The following PCDHGA2 variants were observed in gnomAD, a reference collection of about 807,000 sequenced individuals.
PCDHGA2 encodes the protein protocadherin gamma-A2.
A neutral mutation model predicts 59.2 loss-of-function variants in PCDHGA2; 40 were observed. The ratio of observed to expected loss-of-function variants is 0.68; its 90% CI spans 0.52 to 0.88. The LOEUF is 0.88. Among genes scored for constraint, PCDHGA2 ranks in the 40% least tolerant of loss-of-function variants. PCDHGA2 has a pLI of 0.00. For synonymous variants in PCDHGA2, 560 were observed against 526.0 expected (o/e 1.06, Z -0.89); for missense variants, 1,226 against 1,204.0 (o/e 1.02, Z -0.27).
At chr5:141,375,211 T>A in intron 1 of PCDHGA2, 1 of 1,614,010 alleles carries the variant, frequency 6.2e-7, no homozygotes, top group South Asian at 1.1e-5. Context: ...ATCGAGACTC[T>A]GGCCTGAATG....
At position 141,338,855 on chromosome 5, in the gene PCDHGA2, C is replaced by A; in HGVS notation, c.-117C>A. 3 of 1,425,134 alleles carry A rather than the reference C, an allele frequency of 2.1e-6. No homozygotes were observed. Among genetic ancestry groups the A allele is most frequent in the Non-Finnish European group, 2.7e-6 (3 of 1,091,584 alleles). 88.3% of individuals were successfully genotyped at this position (1,425,134 alleles called of 1,614,324 possible). On this transcript the variant is annotated 5_prime_UTR_variant, in exon 1 of 4. Transcript: ENST00000394576. ...AATTCAGTCGAACAGCCCACCAGTT[C>A]TCTCCATAGGGACCTGGGTCCCGTG...
Position 141,431,435 on chromosome 5 carries a change from G to T in PCDHGA2, c.2425-63372G>T. On this transcript the variant is annotated intron_variant, in intron 1 of 3. Coordinates refer to ENST00000394576, the MANE Select transcript of PCDHGA2 (RefSeq NM_018915.4). This position sits in a 1 kb window ranked among gnomAD's most constrained non-coding sequence, Gnocchi z 4.8. The stretch of plus-strand genomic sequence containing the variant: ...GGGCGACCCGGTGCGCACAGGCACC[G>T]CGCGCATCCGCGTGATGGTTCTGGA... The T allele has an allele frequency of 6.2e-7, 1 of 1,613,668 alleles. No individual in the cohort carries two copies. Among genetic ancestry groups the T allele is most frequent in the Non-Finnish European group, 8.5e-7 (1 of 1,180,026 alleles).
In PCDHGA2 at chr5:141,432,220, C is replaced by A. The variant is rs949257429; in HGVS notation, c.2425-62587C>A. ...CCGACTGTGAAGAGAACGCCCAGAT[C>A]ACTTATTCCCTGGCTGAGAACACCA... On this transcript the variant is annotated intron_variant, in intron 1 of 3. Coordinates refer to ENST00000394576, the MANE Select transcript of PCDHGA2 (RefSeq NM_018915.4). This position sits in a 1 kb window ranked among gnomAD's most constrained non-coding sequence, Gnocchi z 6.0. The A allele has an allele frequency of 2.5e-6, 4 of 1,614,246 alleles. No homozygotes were observed. The highest frequency in any genetic ancestry group is 1.6e-4 in the Middle Eastern group (1 of 6,062).
At chr5:141,421,305 G>A in intron 1 of PCDHGA2, 23 of 1,613,652 alleles carry the variant, frequency 1.4e-5, no homozygotes, top group Non-Finnish European at 1.9e-5. Context: ...CGCTGCGGGG[G>A]TTCCGGGCCA....
chr5:141,401,830 T>C (rs950842785), intron 1 of PCDHGA2, among the ~76,000 whole-genome samples: 4 of 152,216 alleles, frequency 2.6e-5, no homozygotes, highest in Admixed American at 1.3e-4. Context: ...TGCTGAGATT[T>C]CTTATAATAC....
chr5:141,457,417 CTTTT>C (rs894846890), intron 1 of PCDHGA2, among the ~76,000 whole-genome samples: 4 of 152,180 alleles, frequency 2.6e-5, no homozygotes, highest in Admixed American at 2.6e-4. Context: ...TTACCCATCC[CTTTT>C]TCCCCCCCAC....
intron 1 of PCDHGA2, chr5:141,413,350 G>C: frequency 6.2e-7 from 1 of 1,613,974 alleles, no homozygotes; most frequent in South Asian, 1.1e-5. Context: ...CTTGGGTCTG[G>C]CGCCCCGGGA....
At chr5:141,374,443 A>C (rs886695991) in intron 1 of PCDHGA2, 1 of 1,613,842 alleles carries the variant, frequency 6.2e-7, no homozygotes. Context: ...ATCCCGTGGA[A>C]GTGGAAATAG....
intron 1 of PCDHGA2, chr5:141,393,333 C>G: frequency 6.3e-7 from 1 of 1,582,250 alleles, no homozygotes; most frequent in Non-Finnish European, 8.6e-7. Context: ...CCAGCTCAGC[C>G]CCAATCACCA....
At chr5:141,371,589 A>G in intron 1 of PCDHGA2, 1 of 1,613,602 alleles carries the variant, frequency 6.2e-7, no homozygotes, top group Non-Finnish European at 8.5e-7. Flanking sequence ...TCAAGATACC[A>G]AAAACACATA....
intron 1 of PCDHGA2, among the ~76,000 whole-genome samples, chr5:141,348,329 G>A (rs753111578): frequency 4.6e-5 from 7 of 152,112 alleles, no homozygotes; most frequent in Non-Finnish European, 8.8e-5. Flanking sequence ...AATTTAAAAG[G>A]CCCATAGCCA....
chr5:141,397,974 C>A (rs1248429844), intron 1 of PCDHGA2: 3 of 1,174,340 alleles, frequency 2.6e-6, no homozygotes, highest in African/African-American at 1.6e-5. Flanking sequence ...TCCCCAGCGC[C>A]GGCCTTTACA....
intron 1 of PCDHGA2, among the ~76,000 whole-genome samples, chr5:141,386,366 C>A (rs2090545743): frequency 6.6e-6 from 1 of 151,962 alleles, no homozygotes; most frequent in Non-Finnish European, 1.5e-5. Context: ...ATTCCAGAGA[C>A]CTTTGAGTAT....
Position 141,443,253 on chromosome 5 carries a change from G to A in PCDHGA2, c.2425-51554G>A, listed in dbSNP as rs192939862. 1.8e-4 allele frequency among the ~76,000 whole-genome samples: 28 copies of A among 152,214 alleles called. No individual in the cohort carries two copies. The Middle Eastern group carries it at 0.014, about 74-fold the overall frequency. On this transcript the variant is annotated intron_variant, in intron 1 of 3. Transcript: ENST00000394576. Reference sequence around the variant, plus strand: ...CTTAGCACTTTGGGGCGCCAAGGCGGGTGGATCACTTGAGCCCAGGAGTTT... The same window carrying A: ...CTTAGCACTTTGGGGCGCCAAGGCGAGTGGATCACTTGAGCCCAGGAGTTT...
chr5:141,344,807 T>G (rs764222927), intron 1 of PCDHGA2: 1 of 1,613,960 alleles, frequency 6.2e-7, no homozygotes, highest in South Asian at 1.1e-5. Context: ...TGCCTGTGGG[T>G]ACCCGGCTGC....
rs143562227 is a variant in PCDHGA2, at chr5:141,339,720, G to T, written c.749G>T (p.Ser250Ile). ...TTTACACAGCCCGAGTACCGCATAA[G>T]CATTCCGGAGAATACGCTCGTGGGC... is the stretch of plus-strand genomic sequence containing the variant. ...PVFTQPEYRI[S>I]IPENTLVGTR... is the part of the protein sequence containing the mutation. The change falls in exon 1 of 4, where the codon AGC becomes ATC. Residue 250 changes from serine (S) to isoleucine (I), a missense_variant. Transcript: ENST00000394576. 4.3e-6 allele frequency: 7 copies of T among 1,614,046 alleles called. No individual in the cohort carries two copies. The highest frequency in any genetic ancestry group is 5.9e-6 in the Non-Finnish European group (7 of 1,180,024).
At chr5:141,354,497 T>C (rs943322375) in intron 1 of PCDHGA2, among the ~76,000 whole-genome samples, 4 of 152,204 alleles carry the variant, frequency 2.6e-5, no homozygotes, top group South Asian at 2.1e-4. Context: ...GAACAGTAGG[T>C]GAGTTTTTTG....
chr5:141,431,228 G>C lies in PCDHGA2; in HGVS notation c.2425-63579G>C, dbSNP rs772199359. The stretch of plus-strand genomic sequence containing the variant: ...TGAGATGCGGTTCCCTCTACCCCAC[G>C]CCTGGGATCCGGATATCGGGAAGAA... On this transcript the variant is annotated intron_variant, in intron 1 of 3. Coordinates refer to ENST00000394576, the MANE Select transcript of PCDHGA2 (RefSeq NM_018915.4). The surrounding 1 kb of genome is among the most constrained non-coding windows in gnomAD (Gnocchi z 4.8). The C allele has an allele frequency of 1.9e-6, 3 of 1,614,000 alleles. No individual in the cohort carries two copies. The African/African-American group carries it at 4.0e-5, about 22-fold the overall frequency.
chr5:141,384,346 G>A (rs992832645), intron 1 of PCDHGA2: 3 of 1,613,746 alleles, frequency 1.9e-6, no homozygotes, highest in Non-Finnish European at 2.5e-6. Context: ...CGACAGTGAG[G>A]ATAATGCCCA....
Sources: allele counts gnomAD v4.1 joint callset (sites outside exome capture counted in the v4.1 genomes callset), GRCh38; gene constraint gnomAD v4.1.1; non-coding constraint Gnocchi (gnomAD v3.1); transcripts MANE v1.5; gene names NCBI Gene and HGNC (gene_info 2026-07-23, HGNC 2026-07-21).